ASPRV1: variants seen among roughly 807,000 people sequenced by gnomAD.
ASPRV1 encodes aspartic peptidase retroviral like 1.
ASPRV1 carries 7 observed loss-of-function variants against 11.0 expected under a neutral mutation model. That is an observed-to-expected ratio of 0.64 (90% CI 0.36 to 1.20). ASPRV1 has a LOEUF of 1.20. Among genes scored for constraint, ASPRV1 ranks in the 50% most tolerant of loss-of-function variants. The probability of loss-of-function intolerance (pLI) is 0.02; values close to 1 mark genes in which losing one functional copy is unlikely to be tolerated. For missense variants in ASPRV1, 299 were observed against 320.0 expected, an observed-to-expected ratio of 0.93 and a Z score of 0.50; for synonymous variants, 136 against 138.4, an observed-to-expected ratio of 0.98 and a Z score of 0.12.
At chr2:69,973,896 T>TA in the ASPRV1 span, among the ~76,000 whole-genome samples, 1 of 152,228 alleles carries the variant, frequency 6.6e-6, no homozygotes, top group African/African-American at 2.4e-5. Context: ...TTCTGTGGTG[T>TA]AAATATTCCC....
chr2:70,068,083 G>A, the ASPRV1 span, among the ~76,000 whole-genome samples: 3 of 152,174 alleles, frequency 2.0e-5, no homozygotes, highest in South Asian at 2.1e-4. Context: ...CTTGGCTCCA[G>A]GCAAGCCCTG....
chr2:70,070,927 C>T, the ASPRV1 span: 1 of 152,164 alleles, frequency 6.6e-6, no homozygotes, highest in Non-Finnish European at 1.5e-5. Context: ...CAGATGACTT[C>T]GAATGGCCTT....
At chr2:69,989,372 T>C in the ASPRV1 span, among the ~76,000 whole-genome samples, 1 of 152,226 alleles carries the variant, frequency 6.6e-6, no homozygotes, top group Non-Finnish European at 1.5e-5. Context: ...ACACCACCCA[T>C]CTCCCAGGAT....
At chr2:69,974,870 G>A in the ASPRV1 span, among the ~76,000 whole-genome samples, 21 of 152,248 alleles carry the variant, frequency 1.4e-4, no homozygotes, top group Non-Finnish European at 2.9e-4. Flanking sequence ...GGAGGGCACA[G>A]AACCGTAAGG....
the ASPRV1 span, among the ~76,000 whole-genome samples, chr2:70,057,556 G>A: frequency 2.2e-4 from 33 of 151,692 alleles, no homozygotes; most frequent in Non-Finnish European, 3.5e-4. Flanking sequence ...TCGGCTCACT[G>A]CAACCTCCGC....
the ASPRV1 span, among the ~76,000 whole-genome samples, chr2:70,014,173 T>C: frequency 5.3e-5 from 8 of 152,116 alleles, no homozygotes; most frequent in Non-Finnish European, 1.0e-4. Context: ...TTGGACCTCA[T>C]GAAAATTAAA....
chr2:70,047,303 G>C, the ASPRV1 span, among the ~76,000 whole-genome samples: 2 of 152,128 alleles, frequency 1.3e-5, no homozygotes, highest in Admixed American at 6.6e-5. Flanking sequence ...GAAAAGCCCA[G>C]GGGCATGCAA....
At chr2:70,069,646 T>G in the ASPRV1 span, among the ~76,000 whole-genome samples, 2 of 152,204 alleles carry the variant, frequency 1.3e-5, no homozygotes, top group Admixed American at 1.3e-4. Context: ...TTATCTCTTC[T>G]TCCTTCTTCA....
the ASPRV1 span, among the ~76,000 whole-genome samples, chr2:70,006,609 A>G: frequency 6.6e-6 from 1 of 152,136 alleles, no homozygotes; most frequent in South Asian, 2.1e-4. Context: ...GAAGAGGGCC[A>G]GATAGGATTC....
At chr2:70,028,268 G>C in the ASPRV1 span, 1 of 152,202 alleles carries the variant, frequency 6.6e-6, no homozygotes, top group Non-Finnish European at 1.5e-5. Flanking sequence ...TGTGGAAATA[G>C]ATGGAAGTAA....
the ASPRV1 span, among the ~76,000 whole-genome samples, chr2:69,949,411 C>T: frequency 0.17 from 26,195 of 152,024 alleles, 3,221 homozygotes; most frequent in East Asian, 0.4. Context: ...GAAACACAGC[C>T]AGTGAGGTTT....
the ASPRV1 span, among the ~76,000 whole-genome samples, chr2:70,042,434 G>A: frequency 6.6e-6 from 1 of 152,192 alleles, no homozygotes; most frequent in Non-Finnish European, 1.5e-5. Context: ...CAGGGAAAGT[G>A]TGGAAAGTCC....
the ASPRV1 span, chr2:70,073,295 T>C: frequency 6.6e-6 from 1 of 152,084 alleles, no homozygotes; most frequent in African/African-American, 2.4e-5. Context: ...TTATTCTAAA[T>C]AAAAACAAAA....
chr2:70,049,853 T>C, the ASPRV1 span: 1 of 152,226 alleles, frequency 6.6e-6, no homozygotes, highest in Non-Finnish European at 1.5e-5. Context: ...TTCTCTGAGA[T>C]GGAGATGTGC....
the ASPRV1 span, chr2:70,083,423 T>TTA: frequency 1.3e-5 from 2 of 152,246 alleles, no homozygotes; most frequent in African/African-American, 2.4e-5. Context: ...ACATACCAAC[T>TTA]TAACATAAGA....
chr2:70,003,915 A>AC, the ASPRV1 span, among the ~76,000 whole-genome samples: 1 of 152,020 alleles, frequency 6.6e-6, no homozygotes, highest in African/African-American at 2.4e-5. Flanking sequence ...TCCACCTTCC[A>AC]CCATGGGCTG....
the ASPRV1 span, among the ~76,000 whole-genome samples, chr2:70,014,313 C>G: frequency 6.6e-6 from 1 of 151,964 alleles, no homozygotes; most frequent in Non-Finnish European, 1.5e-5. Flanking sequence ...TTAAATATTC[C>G]ACAACAGAAA....
At chr2:69,990,208 G>C in the ASPRV1 span, among the ~76,000 whole-genome samples, 3 of 152,162 alleles carry the variant, frequency 2.0e-5, no homozygotes, top group Non-Finnish European at 4.4e-5. Flanking sequence ...TTTTGAAACA[G>C]AGTCTCACTC....
Position 69,961,507 on chromosome 2 carries a change from G to A in ASPRV1, c.-71C>T, listed in dbSNP as rs758846975. ...GAGAAACCCACAGAGCAGTGTCGGC[G>A]CAATCACGCTGGAAAACGGGGCCTC... On this transcript the variant is annotated 5_prime_UTR_variant, in exon 1 of 1. Coordinates refer to ENST00000320256, the MANE Select transcript of ASPRV1 (RefSeq NM_152792.4). The A allele has an allele frequency of 2.9e-5, 46 of 1,613,988 alleles. No homozygotes were observed. The highest frequency in any genetic ancestry group is 1.1e-4 in the East Asian group (5 of 44,882).
Sources: allele counts gnomAD v4.1 joint callset (sites outside exome capture counted in the v4.1 genomes callset), GRCh38; gene constraint gnomAD v4.1.1; transcripts MANE v1.5; gene names NCBI Gene and HGNC (gene_info 2026-07-23, HGNC 2026-07-21).